PTGES3: variants seen among roughly 807,000 people sequenced by gnomAD.
PTGES3 encodes the protein prostaglandin E synthase 3.
Under a neutral mutation model 29.9 loss-of-function variants are expected in PTGES3, and 5 were observed. That is an observed-to-expected ratio of 0.17 (90% CI 0.09 to 0.35). PTGES3 has a LOEUF of 0.35. PTGES3 is among the 10% of genes least tolerant of loss of function. PTGES3 has a pLI of 1.00. For missense variants in PTGES3, 128 were observed against 190.0 expected, an observed-to-expected ratio of 0.67 and a Z score of 1.92; for synonymous variants, 49 against 57.8, an observed-to-expected ratio of 0.85 and a Z score of 0.69.
rs1952659944 is a variant in PTGES3, at chr12:56,683,501, A to AAAAAAAAAAC, written c.2+4496_2+4497insGTTTTTTTTT. Among the ~76,000 whole-genome samples, 3 of 145,784 alleles carry AAAAAAAAAAC rather than the reference A, an allele frequency of 2.1e-5. No homozygotes were observed. In the Admixed American group the frequency reaches 2.1e-4, roughly 10 times the overall value. ...AAAAAAAAAAAAAAAAAAAAAAAAA[A>AAAAAAAAAAC]TTAGCCAGGCATGGCGGCAGGCACC... On this transcript the variant is annotated intron_variant, in intron 1 of 7. Coordinates refer to ENST00000262033, the MANE Select transcript of PTGES3 (RefSeq NM_006601.7).
intron 6 of PTGES3, chr12:56,665,284 CTTTTTTTTTT>C (rs59007550): frequency 6.2e-6 from 5 of 806,888 alleles, no homozygotes; most frequent in Middle Eastern, 6.2e-4. Flanking sequence ...CAATGTCCAT[CTTTTTTTTTT>C]TTTTTTTTTT....
At position 56,681,523 on chromosome 12, in the gene PTGES3, G is replaced by GTTTTTT. The variant is rs548862927; in HGVS notation, c.2+6474_2+6475insAAAAAA. Reference sequence around the variant, plus strand: ...ACTGCACTCCAGCCTGGGCAACAGAGTGAGACTCCATCTCAAAAAAAAAAA... The same window carrying GTTTTTT: ...ACTGCACTCCAGCCTGGGCAACAGAGTTTTTTTGAGACTCCATCTCAAAAAAAAAAA... On this transcript the variant is annotated intron_variant, in intron 1 of 7. Coordinates refer to ENST00000262033, the MANE Select transcript of PTGES3 (RefSeq NM_006601.7). 5.2e-4 allele frequency among the ~76,000 whole-genome samples: 55 copies of GTTTTTT among 105,028 alleles called. 2 individuals are homozygous for GTTTTTT. The South Asian group carries it at 0.017, about 33-fold the overall frequency. 68.9% of individuals were successfully genotyped at this position (105,028 alleles called of 152,430 possible). A position where few individuals can be genotyped will look rare whatever the true frequency, so the allele number is the denominator to read the frequency against.
chr12:56,682,721 G>GAAAAAAAAA (rs754040277), intron 1 of PTGES3, among the ~76,000 whole-genome samples: 7,629 of 113,928 alleles, frequency 0.067, 838 homozygotes, highest in African/African-American at 0.17. Flanking sequence ...CCATTTAAAA[G>GAAAAAAAAA]AAAAAAAAAA....
intron 1 of PTGES3, among the ~76,000 whole-genome samples, chr12:56,680,386 CTTTTT>C (rs1171435554): frequency 4.2e-5 from 6 of 143,464 alleles, no homozygotes; most frequent in Non-Finnish European, 6.1e-5. Flanking sequence ...AATTTTCTTT[CTTTTT>C]TTTTTTTTGG....
At chr12:56,674,985 C>CG (rs1952169110) in intron 1 of PTGES3, among the ~76,000 whole-genome samples, 1 of 93,378 alleles carries the variant, frequency 1.1e-5, no homozygotes, top group Non-Finnish European at 1.9e-5. Flanking sequence ...GCCTGGGCAA[C>CG]AAGAGTGAAA....
At chr12:56,678,592 A>G (rs772819253) in intron 1 of PTGES3, among the ~76,000 whole-genome samples, 1 of 152,176 alleles carries the variant, frequency 6.6e-6, no homozygotes, top group African/African-American at 2.4e-5. Flanking sequence ...TTGGTGCATC[A>G]ATTTTTTATA....
At chr12:56,676,228 C>CG (rs1250623672) in intron 1 of PTGES3, among the ~76,000 whole-genome samples, 6 of 73,510 alleles carry the variant, frequency 8.2e-5, no homozygotes, top group South Asian at 5.8e-4. Context: ...TGTGTCTCCC[C>CG]CCCCAAAAAA....
At chr12:56,687,713 G>T in intron 1 of PTGES3, 1 of 1,352,410 alleles carries the variant, frequency 7.4e-7, no homozygotes, top group Non-Finnish European at 9.5e-7. Context: ...CTAGGGTGAA[G>T]TTACCGAAAG....
At chr12:56,675,645 T>C in intron 1 of PTGES3, among the ~76,000 whole-genome samples, 1 of 151,516 alleles carries the variant, frequency 6.6e-6, no homozygotes, top group East Asian at 1.9e-4. Context: ...CAGGGCCGAG[T>C]GCGGTGGCTC....
intron 5 of PTGES3, among the ~76,000 whole-genome samples, chr12:56,668,308 A>G (rs1175265978): frequency 1.3e-5 from 2 of 152,240 alleles, no homozygotes; most frequent in African/African-American, 4.8e-5. Flanking sequence ...GAAAAATGCT[A>G]AATGTACCAA....
At position 56,688,181 on chromosome 12, in the gene PTGES3, C is replaced by T; in HGVS notation, c.-182G>A. On this transcript the variant is annotated 5_prime_UTR_variant, in exon 1 of 8. Coordinates refer to ENST00000262033, the MANE Select transcript of PTGES3 (RefSeq NM_006601.7). ...CGACCTCGGGCCCCAGAATGCACCG[C>T]GCGGAAAGAGCGGCTCCTCCGGTCG... is the stretch of plus-strand genomic sequence containing the variant. 8.8e-7 allele frequency: 1 copy of T among 1,141,742 alleles called. No individual in the cohort carries two copies. 70.7% of individuals were successfully genotyped at this position (1,141,742 alleles called of 1,614,324 possible).
intron 1 of PTGES3, among the ~76,000 whole-genome samples, chr12:56,674,926 C>A (rs1952165843): frequency 7.5e-6 from 1 of 132,926 alleles, no homozygotes; most frequent in Admixed American, 8.9e-5. Flanking sequence ...ATCGCTTGAA[C>A]CTGGGAAGTG....
intron 1 of PTGES3, chr12:56,687,746 AAGGGG>A (rs1952950441): frequency 7.3e-7 from 1 of 1,373,466 alleles, no homozygotes; most frequent in Non-Finnish European, 9.4e-7. Context: ...CAGACAGCCA[AAGGGG>A]TAAAAGTAGG....
intron 1 of PTGES3, among the ~76,000 whole-genome samples, chr12:56,675,256 C>T (rs1001605549): frequency 3.3e-5 from 5 of 151,402 alleles, no homozygotes; most frequent in African/African-American, 1.2e-4. Context: ...GCCAAGATCA[C>T]GCCACTGCAC....
At chr12:56,680,102 C>G (rs1270045342) in intron 1 of PTGES3, among the ~76,000 whole-genome samples, 4 of 140,344 alleles carry the variant, frequency 2.9e-5, no homozygotes, top group Non-Finnish European at 6.1e-5. Flanking sequence ...TTGAGAAAGT[C>G]TTGCTGTCGC....
intron 6 of PTGES3, chr12:56,665,956 TATA>T: frequency 8.3e-7 from 1 of 1,206,202 alleles, no homozygotes; most frequent in Non-Finnish European, 1.0e-6. Flanking sequence ...GGTATTAATA[TATA>T]ATGTCTCTAT....
intron 1 of PTGES3, among the ~76,000 whole-genome samples, chr12:56,687,093 C>T (rs1460308295): frequency 6.6e-6 from 1 of 150,586 alleles, no homozygotes; most frequent in African/African-American, 2.4e-5. Flanking sequence ...CGGTTAAAAT[C>T]GCCAAGGCTT....
Position 56,672,958 on chromosome 12 carries a change from G to A in PTGES3, c.110C>T (p.Thr37Ile). The A allele has an allele frequency of 1.9e-6, 3 of 1,600,040 alleles. No individual in the cohort carries two copies. The highest frequency in any genetic ancestry group is 1.1e-5 in the South Asian group (1 of 87,782). ...GATAAAAAGCTTAACTTACCTGAAT[G>A]TAAGTTTGGATTTTTCAAAATTTAC... is the stretch of plus-strand genomic sequence containing the variant. The part of the protein sequence containing the change: ...VNVNFEKSKL[T>I]FSCLGGSDNF... The change falls in exon 2 of 8, where the codon ACA becomes ATA. Residue 37 changes from threonine (T) to isoleucine (I), a missense_variant. By Grantham distance (89) the Thr-to-Ile change is moderately conservative (BLOSUM62 -1). Transcript: ENST00000262033.
intron 3 of PTGES3, 113 bp downstream of exon 3, chr12:56,672,627 T>TAAA (rs1248410996): frequency 1.7e-6 from 2 of 1,203,688 alleles, no homozygotes; most frequent in Non-Finnish European, 2.2e-6. Flanking sequence ...TAAATATACA[T>TAAA]AGTTTGCCTC....
Sources: allele counts gnomAD v4.1 joint callset (sites outside exome capture counted in the v4.1 genomes callset), GRCh38; gene constraint gnomAD v4.1.1; transcripts MANE v1.5; gene names NCBI Gene and HGNC (gene_info 2026-07-23, HGNC 2026-07-21).